MPRIP: variants seen among roughly 807,000 people sequenced by gnomAD.
MPRIP encodes the protein myosin phosphatase Rho interacting protein.
A neutral mutation model predicts 234.9 loss-of-function variants in MPRIP; 59 were observed. The ratio of observed to expected loss-of-function variants is 0.25; its 90% confidence interval spans 0.20 to 0.31. The LOEUF is 0.31. MPRIP is among the 10% of genes least tolerant of loss of function. MPRIP has a pLI of 1.00. For missense variants in MPRIP, 2,436 were observed against 3,071.0 expected, an observed-to-expected ratio of 0.79 and a Z score of 4.89; for synonymous variants, 1,144 against 1,263.9, an observed-to-expected ratio of 0.91 and a Z score of 2.01.
At chr17:17,055,413 G>C (rs1408945565) in intron 1 of MPRIP, among the ~76,000 whole-genome samples, 9 of 152,114 alleles carry the variant, frequency 5.9e-5, no homozygotes, top group Non-Finnish European at 1.2e-4. Flanking sequence ...CAAATCACTG[G>C]GTGGGTGGGA....
rs1273338626 is a variant in MPRIP at position 17,075,867 on chromosome 17, G to A, written c.201+80G>A. The A allele has an allele frequency of 3.6e-6, 5 of 1,377,920 alleles. No individual in the cohort carries two copies. The Admixed American group carries it at 8.7e-5, about 24-fold the overall frequency. The allele number at this position is 1,377,920 out of a possible 1,614,324, so 85.4% of individuals were successfully genotyped here. On this transcript the variant is annotated intron_variant, in intron 2 of 23. Coordinates refer to ENST00000651222, the MANE Select transcript of MPRIP (RefSeq NM_001364716.4). The stretch of plus-strand genomic sequence containing the variant: ...GGGTGAACTGGCAGAGTGGAAGAGG[G>A]AGATGGAGAGTTGAACAGTGGATCC...
At position 17,078,092 on chromosome 17, in the gene MPRIP, G is replaced by A; in HGVS notation, c.267+16G>A. On this transcript the variant is annotated intron_variant, in intron 3 of 23. Transcript: ENST00000651222. This position sits in a 1 kb window ranked among gnomAD's most constrained non-coding sequence, Gnocchi z 4.3. Reference sequence around the variant, plus strand: ...GGATGAGATGGTAAGTGTTATCCTTGCCCACTCCCTGTCCCCAGCCTTCAC... The same window carrying A: ...GGATGAGATGGTAAGTGTTATCCTTACCCACTCCCTGTCCCCAGCCTTCAC... The A allele has an allele frequency of 2.5e-6, 4 of 1,613,650 alleles. No homozygotes were observed. In the Admixed American group the frequency reaches 6.7e-5, roughly 27 times the overall value.
chr17:17,078,105 C>A lies in MPRIP; in HGVS notation c.267+29C>A. On this transcript the variant is annotated intron_variant, in intron 3 of 23. Coordinates refer to ENST00000651222, the MANE Select transcript of MPRIP (RefSeq NM_001364716.4). The surrounding 1 kb of genome is among the most constrained non-coding windows in gnomAD (Gnocchi z 4.3). ...AGTGTTATCCTTGCCCACTCCCTGT[C>A]CCCAGCCTTCACCAAGTCCCTCCAT... 6.2e-7 allele frequency: 1 copy of A among 1,611,394 alleles called. No homozygotes were observed. Among genetic ancestry groups the A allele is most frequent in the Non-Finnish European group, 8.5e-7 (1 of 1,177,724 alleles).
intron 3 of MPRIP, 118 bp from the exon 4 acceptor site, chr17:17,126,584 G>A: frequency 1.7e-6 from 2 of 1,186,262 alleles, no homozygotes; most frequent in Non-Finnish European, 2.4e-6. Context: ...GGGCTGGAGT[G>A]AGGGAGAGCA....
chr17:17,111,935 G>A (rs950287696), intron 3 of MPRIP, among the ~76,000 whole-genome samples: 2 of 152,072 alleles, frequency 1.3e-5, no homozygotes, highest in African/African-American at 4.8e-5. Flanking sequence ...TAGCTTGCCC[G>A]ACTGCTTGGA....
chr17:17,176,759 TG>T (rs530110395), intron 21 of MPRIP, among the ~76,000 whole-genome samples: 1 of 152,186 alleles, frequency 6.6e-6, no homozygotes, highest in Non-Finnish European at 1.5e-5. Flanking sequence ...TTGTGTGCCT[TG>T]GGAGGAATGT....
At chr17:17,066,950 A>C (rs2089049863) in intron 1 of MPRIP, among the ~76,000 whole-genome samples, 1 of 151,386 alleles carries the variant, frequency 6.6e-6, no homozygotes, top group Non-Finnish European at 1.5e-5. Context: ...TGGTAGAAAC[A>C]GGGTCTTGTA....
At chr17:17,129,023 G>T (rs1290283425) in intron 4 of MPRIP, among the ~76,000 whole-genome samples, 1 of 152,168 alleles carries the variant, frequency 6.6e-6, no homozygotes, top group African/African-American at 2.4e-5. Context: ...GAGCTGGGTG[G>T]GTTGGGGACA....
intron 13 of MPRIP, among the ~76,000 whole-genome samples, chr17:17,158,086 C>G (rs1234400487): frequency 6.6e-6 from 1 of 152,124 alleles, no homozygotes; most frequent in African/African-American, 2.4e-5. Context: ...GGCTCCATAC[C>G]CTGGCAACGG....
At chr17:17,119,519 TC>T (rs2090348617) in intron 3 of MPRIP, among the ~76,000 whole-genome samples, 1 of 152,214 alleles carries the variant, frequency 6.6e-6, no homozygotes, top group Non-Finnish European at 1.5e-5. Flanking sequence ...GAGTGCCACG[TC>T]CCATAATCAC....
intron 1 of MPRIP, among the ~76,000 whole-genome samples, chr17:17,056,376 G>A (rs780127777): frequency 1.3e-5 from 2 of 152,194 alleles, no homozygotes; most frequent in African/African-American, 2.4e-5. Flanking sequence ...GCCACGGGCT[G>A]TTTGTCAAGA....
chr17:17,152,678 C>T (rs571468057), intron 12 of MPRIP, among the ~76,000 whole-genome samples: 4 of 152,310 alleles, frequency 2.6e-5, no homozygotes, highest in Admixed American at 1.3e-4. Context: ...GTCAGGTTGG[C>T]GCTGGTCCAG....
chr17:17,114,295 C>T (rs748702876), intron 3 of MPRIP, among the ~76,000 whole-genome samples: 3 of 152,072 alleles, frequency 2.0e-5, no homozygotes, highest in Non-Finnish European at 2.9e-5. Context: ...GTTTTAGGAG[C>T]TGTTTATTCT....
Position 17,164,397 on chromosome 17 carries a change from G to A in MPRIP, c.2806G>A (p.Glu936Lys), listed in dbSNP as rs112094406. ...GAAGCGGGAGCAGGGCCGGGTCCGC[G>A]AGCAGCTGGAGGAGCGGCAACACAG... ...DLKREQGRVR[E>K]QLEERQHSEA... is the part of the protein sequence containing the mutation. Residue 936 changes from glutamate (E) to lysine (K), a missense_variant, in exon 16 of 24, where the codon GAG becomes AAG. Physicochemically the swap from Glu to Lys is moderately conservative, Grantham distance 56 (BLOSUM62 1). This residue lies in a region of MPRIP where 1,998 missense variants were observed against 2,520.3 expected (regional missense o/e 0.79). Coordinates refer to ENST00000651222, the MANE Select transcript of MPRIP (RefSeq NM_001364716.4). 9 of 1,287,712 alleles carry A rather than the reference G, an allele frequency of 7.0e-6. No homozygotes were observed. The highest frequency in any genetic ancestry group is 5.0e-5 in the South Asian group (4 of 80,642). 79.8% of individuals were successfully genotyped at this position (1,287,712 alleles called of 1,614,324 possible). A position where few individuals can be genotyped will look rare whatever the true frequency, so the allele number is the denominator to read the frequency against.
chr17:17,043,379 A>G (rs906167839), intron 1 of MPRIP, among the ~76,000 whole-genome samples: 1 of 152,088 alleles, frequency 6.6e-6, no homozygotes, highest in Non-Finnish European at 1.5e-5. Context: ...GCTTCCGTCT[A>G]GTGGGACGCA....
intron 3 of MPRIP, among the ~76,000 whole-genome samples, chr17:17,084,346 G>A (rs1238882047): frequency 6.6e-6 from 1 of 152,194 alleles, no homozygotes; most frequent in East Asian, 1.9e-4. Context: ...CTTCTGGGAG[G>A]AGACAGGTGG....
intron 3 of MPRIP, among the ~76,000 whole-genome samples, chr17:17,111,869 T>A (rs1356217741): frequency 2.0e-5 from 3 of 152,048 alleles, no homozygotes; most frequent in South Asian, 4.2e-4. Context: ...TCCCACCATA[T>A]CTGCTGGCTT....
intron 1 of MPRIP, among the ~76,000 whole-genome samples, chr17:17,051,540 G>A (rs991505263): frequency 1.1e-4 from 16 of 152,204 alleles, no homozygotes; most frequent in African/African-American, 3.9e-4. Flanking sequence ...ATCCTGGGGC[G>A]GGGTGGCGGG....
At chr17:17,114,397 A>G (rs1423473348) in intron 3 of MPRIP, among the ~76,000 whole-genome samples, 1 of 150,546 alleles carries the variant, frequency 6.6e-6, no homozygotes, top group African/African-American at 2.4e-5. Context: ...TAGATGTACA[A>G]AGGTTTTTAA....
Sources: allele counts gnomAD v4.1 joint callset (sites outside exome capture counted in the v4.1 genomes callset), GRCh38; gene constraint gnomAD v4.1.1; regional missense constraint gnomAD v4.1.1; non-coding constraint Gnocchi (gnomAD v3.1); transcripts MANE v1.5; gene names NCBI Gene and HGNC (gene_info 2026-07-23, HGNC 2026-07-21).